The following PNLDC1 variants were observed in gnomAD, a reference collection of about 807,000 sequenced individuals.
PNLDC1 encodes poly(A)-specific ribonuclease PNLDC1.
A neutral mutation model predicts 82.0 loss-of-function variants in PNLDC1; 70 were observed. The observed-to-expected ratio is 0.85, with a 90% CI of 0.70 to 1.04. The LOEUF (loss-of-function observed/expected upper bound fraction) is 1.04, where lower values mean the gene tolerates loss of function less well. Ranked by LOEUF, PNLDC1 falls within the 50% of genes least tolerant of loss-of-function variation. PNLDC1 has a pLI of 0.00. For missense variants in PNLDC1, 631 were observed against 661.1 expected (o/e 0.95, Z 0.50); for synonymous variants, 280 against 249.3 (o/e 1.12, Z -1.16).
intron 15 of PNLDC1, among the ~76,000 whole-genome samples, chr6:159,817,421 G>A (rs975405259): frequency 6.6e-6 from 1 of 152,216 alleles, no homozygotes; most frequent in Non-Finnish European, 1.5e-5. Context: ...AGGCAGTGGG[G>A]TTAGGCTTAG....
chr6:159,806,501 T>C (rs748862709), intron 7 of PNLDC1, among the ~76,000 whole-genome samples: 2 of 152,150 alleles, frequency 1.3e-5, no homozygotes, highest in African/African-American at 2.4e-5. Context: ...CCAATGGATA[T>C]GTGAGGTCAA....
intron 12 of PNLDC1, among the ~76,000 whole-genome samples, chr6:159,814,419 C>G (rs1030254974): frequency 9.9e-5 from 15 of 152,210 alleles, no homozygotes; most frequent in Admixed American, 5.2e-4. Flanking sequence ...TCATCCACCC[C>G]CTGGGCTTCA....
At chr6:159,813,808 C>T (rs1480727941) in intron 12 of PNLDC1, 152 bp downstream of exon 12, 2 of 675,320 alleles carry the variant, frequency 3.0e-6, no homozygotes, top group South Asian at 3.7e-5. Context: ...TTCATGGCCC[C>T]CTTCCTCCGA....
chr6:159,810,829 A>G (rs1448617138), intron 10 of PNLDC1, among the ~76,000 whole-genome samples: 1 of 152,216 alleles, frequency 6.6e-6, no homozygotes, highest in Non-Finnish European at 1.5e-5. Flanking sequence ...CCCAAGAAAC[A>G]ATGAAACACC....
At chr6:159,810,178 G>T in intron 10 of PNLDC1, 83 bp downstream of exon 10, 1 of 1,325,582 alleles carries the variant, frequency 7.5e-7, no homozygotes. Context: ...TACCCCTGAG[G>T]CAGCTCCTAA....
At chr6:159,811,497 G>A (rs943844422) in intron 10 of PNLDC1, among the ~76,000 whole-genome samples, 2 of 152,098 alleles carry the variant, frequency 1.3e-5, no homozygotes, top group Admixed American at 6.5e-5. Flanking sequence ...AAAACCGTTC[G>A]GCCTTTACTA....
chr6:159,800,210 G>A (rs1304373935), upstream of PNLDC1: 9 of 1,222,794 alleles, frequency 7.4e-6, no homozygotes, highest in East Asian at 1.8e-4. Flanking sequence ...TGGTTTCCAT[G>A]TGTGCGCCCT....
Position 159,809,150 on chromosome 6 carries a change from G to A in PNLDC1, c.775G>A (p.Ala259Thr), listed in dbSNP as rs754866593. The A allele has an allele frequency of 1.7e-5, 28 of 1,613,724 alleles. No individual in the cohort carries two copies. The highest frequency in any genetic ancestry group is 2.1e-5 in the Non-Finnish European group (25 of 1,179,970). The change falls in exon 9 of 19, where the codon GCC becomes ACC. Residue 259 changes from alanine (A) to threonine (T), a missense_variant. Coordinates refer to ENST00000392167, the MANE Select transcript of PNLDC1 (RefSeq NM_001271862.2). ...FSVFFQMLVK[A>T]QKPLVGHNMM... ...TGTCTTTTTCCAAATGCTGGTGAAA[G>A]CCCAGAAGGTAGGAAAACATGTCTC...
At chr6:159,801,207 TAG>T (rs1274403723) in intron 3 of PNLDC1, 21 bp downstream of exon 3, 5 of 1,603,758 alleles carry the variant, frequency 3.1e-6, no homozygotes, top group Non-Finnish European at 3.4e-6. Flanking sequence ...TATCAGCTGT[TAG>T]AGTTTTTCAA....
chr6:159,816,122 A>ACCCCCCCCCCCCCCCCCCCCCCC, intron 13 of PNLDC1, 89 bp downstream of exon 13: 1 of 526,642 alleles, frequency 1.9e-6, no homozygotes, highest in South Asian at 3.9e-5. Context: ...GTTCCCCCAC[A>ACCCCCCCCCCCCCCCCCCCCCCC]CCCCTCCCCA....
chr6:159,807,099 G>A (rs1178537204), intron 7 of PNLDC1, among the ~76,000 whole-genome samples: 2 of 152,062 alleles, frequency 1.3e-5, no homozygotes, highest in South Asian at 2.1e-4. Flanking sequence ...AACCATGTTG[G>A]CCAGGTTAGT....
intron 14 of PNLDC1, 114 bp downstream of exon 14, chr6:159,816,710 G>A (rs1468296580): frequency 7.5e-6 from 7 of 930,226 alleles, no homozygotes; most frequent in Non-Finnish European, 1.0e-5. Flanking sequence ...TCGGCTCACT[G>A]CAGCCTCTAC....
intron 12 of PNLDC1, 137 bp downstream of exon 12, chr6:159,813,793 C>A: frequency 1.4e-6 from 1 of 723,628 alleles, no homozygotes. Context: ...TCCAGCTCCT[C>A]CTGCTTCATG....
rs1781970047 is a variant in PNLDC1 at position 159,819,649 on chromosome 6, ATGTGT to A, written c.1532+300_1532+304del. 6.6e-6 allele frequency among the ~76,000 whole-genome samples: 1 copy of A among 152,142 alleles called. No individual in the cohort carries two copies. Among genetic ancestry groups the A allele is most frequent in the African/African-American group, 2.4e-5 (1 of 41,412 alleles). Reference sequence around the variant, plus strand: ...ACAGGATAAACAAATGGACCCTATAATGTGTTGGGTGACAAGTGTTTATTAAAAAT... The same window carrying A: ...ACAGGATAAACAAATGGACCCTATAATGGGTGACAAGTGTTTATTAAAAAT... On this transcript the variant is annotated intron_variant, in intron 18 of 18. Transcript: ENST00000392167. The surrounding 1 kb of genome is among the most constrained non-coding windows in gnomAD (Gnocchi z 4.6).
intron 5 of PNLDC1, 51 bp downstream of exon 5, chr6:159,804,139 TGGAGTCTCG>T (rs747083554): frequency 1.7e-5 from 27 of 1,596,420 alleles, no homozygotes; most frequent in Non-Finnish European, 2.1e-5. Flanking sequence ...GTTTCTGAGA[TGGAGTCTCG>T]CTCTGTTGCC....
chr6:159,810,365 A>G (rs1781606284), intron 10 of PNLDC1, among the ~76,000 whole-genome samples: 1 of 152,262 alleles, frequency 6.6e-6, no homozygotes, highest in African/African-American at 2.4e-5. Context: ...GAGTTATTGT[A>G]TGAAGCTTGG....
chr6:159,807,551 G>C (rs970569966), intron 7 of PNLDC1, among the ~76,000 whole-genome samples: 1 of 152,220 alleles, frequency 6.6e-6, no homozygotes, highest in East Asian at 1.9e-4. Context: ...GATGAGATCA[G>C]TGATCATATT....
At chr6:159,806,594 GC>G (rs1293198628) in intron 7 of PNLDC1, among the ~76,000 whole-genome samples, 4 of 152,176 alleles carry the variant, frequency 2.6e-5, no homozygotes, top group African/African-American at 9.6e-5. Context: ...GTCGGACAAA[GC>G]TGCTGGCATC....
Position 159,819,502 on chromosome 6 carries a change from C to T in PNLDC1, c.1532+150C>T, listed in dbSNP as rs1347785563. On this transcript the variant is annotated intron_variant, in intron 18 of 18. Transcript: ENST00000392167. The surrounding 1 kb of genome is among the most constrained non-coding windows in gnomAD (Gnocchi z 4.6). ...TTGACGAGTGTGGTGCCCTGAATGT[C>T]CTTCAGTGATGCCGCGTGTCTGTCG... The T allele has an allele frequency of 4.4e-6, 3 of 681,980 alleles. No homozygotes were observed. Among genetic ancestry groups the T allele is most frequent in the East Asian group, 2.7e-5 (1 of 36,686 alleles). 42.2% of individuals were successfully genotyped at this position (681,980 alleles called of 1,614,324 possible).
Sources: gnomAD v4.1 joint callset for allele counts (sites outside exome capture counted in the v4.1 genomes callset) on GRCh38, gnomAD v4.1.1 for gene constraint, Gnocchi (gnomAD v3.1) non-coding constraint, MANE v1.5 for transcripts, NCBI Gene and HGNC (gene_info 2026-07-23, HGNC 2026-07-21) for gene names.